C20orf204: variants seen among roughly 807,000 people sequenced by gnomAD.
The protein encoded by C20orf204 is chromosome 20 open reading frame 204.
C20orf204 carries 6 observed loss-of-function variants against 3.6 expected under a neutral mutation model. That is an observed-to-expected ratio of 1.68 (90% CI 0.92 to 3.31). The LOEUF is 3.31. Among genes scored for constraint, C20orf204 ranks in the 30% most tolerant of loss-of-function variants. C20orf204 has a pLI of 0.00. For missense variants in C20orf204, 167 were observed against 89.7 expected (o/e 1.86, Z -3.48); for synonymous variants, 80 against 41.4 (o/e 1.93, Z -3.58).
rs1384441551 is a variant in C20orf204, at chr20:64,038,424, G to GCGCCACTGCAGGACGCTGCGC, written c.410_430dup (p.Arg137_Arg143dup). The GCGCCACTGCAGGACGCTGCGC allele has an allele frequency of 5.2e-6, 4 of 770,098 alleles. No homozygotes were observed. The highest frequency in any genetic ancestry group is 9.6e-6 in the Non-Finnish European group (4 of 414,730). 47.7% of individuals were successfully genotyped at this position (770,098 alleles called of 1,614,324 possible). A position where few individuals can be genotyped will look rare whatever the true frequency, so the allele number is the denominator to read the frequency against. On this transcript the variant is annotated inframe_insertion, in exon 3 of 4. Transcript: ENST00000636176. ...CTGTGCGCACCGAGGCGGTGATGCG[G>GCGCCACTGCAGGACGCTGCGC]CGCCACTGCAGGACGCTGCGCCAGG... is the stretch of plus-strand genomic sequence containing the variant.
chr20:64,037,927 G>A lies in C20orf204; in HGVS notation c.4G>A (p.Val2Ile). The change falls in exon 2 of 4, where the codon GTA (valine) becomes ATA (isoleucine). Residue 2 changes from valine to isoleucine, a missense_variant and splice_region_variant. By Grantham distance (29) the Val-to-Ile change is conservative. Coordinates refer to ENST00000636176, the MANE Select transcript of C20orf204 (RefSeq NM_001387010.1). Reference sequence around the variant, plus strand: ...AACCCCAACCTGCTGTCTCCTCCAGGTACCCCCTAAGCCTGCACTCTGGGC... The same window carrying A: ...AACCCCAACCTGCTGTCTCCTCCAGATACCCCCTAAGCCTGCACTCTGGGC... M[V>I]PPKPALWALL... is the part of the protein sequence containing the mutation. 1 of 437,702 alleles carries A rather than the reference G, an allele frequency of 2.3e-6. No individual in the cohort carries two copies. The highest frequency in any genetic ancestry group is 4.0e-6 in the Non-Finnish European group (1 of 247,936). 27.1% of individuals were successfully genotyped at this position (437,702 alleles called of 1,614,324 possible). A position where few individuals can be genotyped will look rare whatever the true frequency, so the allele number is the denominator to read the frequency against.
upstream of C20orf204, among the ~76,000 whole-genome samples, chr20:64,034,187 G>T (rs1399194729): frequency 1.3e-5 from 2 of 152,216 alleles, no homozygotes; most frequent in Non-Finnish European, 2.9e-5. Context: ...TGAGAGGGGA[G>T]CCCTGGAGGG....
rs1274726778 is a variant in C20orf204, at chr20:64,038,355, C to T, written c.339C>T (p.Ala113=). 16 of 763,084 alleles carry T rather than the reference C, an allele frequency of 2.1e-5. No homozygotes were observed. Among genetic ancestry groups the T allele is most frequent in the Non-Finnish European group, 2.9e-5 (12 of 411,392 alleles). The allele number at this position is 763,084 out of a possible 1,614,324, so 47.3% of individuals were successfully genotyped here. Residue 113 remains alanine, a synonymous_variant, in exon 3 of 4, where the codon GCC becomes GCT. Coordinates refer to ENST00000636176, the MANE Select transcript of C20orf204 (RefSeq NM_001387010.1). ...GTCGGACCCTGCGCGGGGCGGTGGC[C>T]GGGGGCCGCCGCGGGGCCCTGGAGA... The part of the protein sequence containing the change: ...SLGRTLRGAV[A]GGRRGALERA...
Position 64,037,915 on chromosome 20 carries a change from T to C in C20orf204, c.4-12T>C, listed in dbSNP as rs965902179. 1.6e-5 allele frequency: 7 copies of C among 430,464 alleles called. No individual in the cohort carries two copies. Among genetic ancestry groups the C allele is most frequent in the Non-Finnish European group, 2.9e-5 (7 of 243,716 alleles). The allele number at this position is 430,464 out of a possible 1,614,324, so 26.7% of individuals were successfully genotyped here. On this transcript the variant is annotated splice_polypyrimidine_tract_variant and intron_variant, in intron 1 of 3. Coordinates refer to ENST00000636176, the MANE Select transcript of C20orf204 (RefSeq NM_001387010.1). ...CCCCCCAGGCCTAACCCCAACCTGC[T>C]GTCTCCTCCAGGTACCCCCTAAGCC...
rs1343039347 is a variant in C20orf204, at chr20:64,036,197, G to C, written c.-127G>C. On this transcript the variant is annotated 5_prime_UTR_variant, in exon 1 of 4. Transcript: ENST00000636176. ...CTGCCCCTCTGCAGTCCTCCAGGCA[G>C]CCTGTCCAGGGAAGCGGTTGGCTGG... 6.5e-6 allele frequency: 1 copy of C among 152,742 alleles called. No individual in the cohort carries two copies. Among genetic ancestry groups the C allele is most frequent in the East Asian group, 1.9e-4 (1 of 5,164 alleles). The allele number at this position is 152,742 out of a possible 1,614,324, so 9.5% of individuals were successfully genotyped here. A position where few individuals can be genotyped will look rare whatever the true frequency, so the allele number is the denominator to read the frequency against.
At chr20:64,037,663 GACATC>G in intron 1 of C20orf204, 1 of 372,280 alleles carries the variant, frequency 2.7e-6, no homozygotes, top group Non-Finnish European at 4.8e-6. Context: ...CCTCCCAGCC[GACATC>G]ACTCACCCCT....
chr20:64,038,364 C>T lies in C20orf204; in HGVS notation c.348C>T (p.Arg116=), dbSNP rs772961025. ...TGCGCGGGGCGGTGGCCGGGGGCCG[C>T]CGCGGGGCCCTGGAGAGAGCTGCTT... ...RTLRGAVAGG[R]RGALERAAWT... The change falls in exon 3 of 4, where the codon CGC becomes CGT. Residue 116 remains arginine, a synonymous_variant. Coordinates refer to ENST00000636176, the MANE Select transcript of C20orf204 (RefSeq NM_001387010.1). 1.3e-6 allele frequency: 1 copy of T among 766,168 alleles called. No individual in the cohort carries two copies. The highest frequency in any genetic ancestry group is 2.4e-6 in the Non-Finnish European group (1 of 412,712). 47.5% of individuals were successfully genotyped at this position (766,168 alleles called of 1,614,324 possible).
rs1228166800 is a variant in C20orf204, at chr20:64,038,977, C to T, written c.*218C>T. The T allele has an allele frequency of 1.4e-6, 1 of 711,430 alleles. No individual in the cohort carries two copies. The highest frequency in any genetic ancestry group is 2.6e-6 in the Non-Finnish European group (1 of 386,174). The allele number at this position is 711,430 out of a possible 1,614,324, so 44.1% of individuals were successfully genotyped here. Reference sequence around the variant, plus strand: ...TCCACGCGCCGAAGGCCTCAATAAACGGAGCTGGCGCTGCGGGTCCGGCAC... The same window carrying T: ...TCCACGCGCCGAAGGCCTCAATAAATGGAGCTGGCGCTGCGGGTCCGGCAC... On this transcript the variant is annotated 3_prime_UTR_variant, in exon 4 of 4. Transcript: ENST00000636176.
In C20orf204 at chr20:64,038,158, T is replaced by C. The variant is rs756782129; in HGVS notation, c.235T>C (p.Ser79Pro). The C allele has an allele frequency of 1.4e-5, 8 of 577,980 alleles. No homozygotes were observed. Among genetic ancestry groups the C allele is most frequent in the African/African-American group, 4.0e-5 (2 of 50,082 alleles). The allele number at this position is 577,980 out of a possible 1,614,324, so 35.8% of individuals were successfully genotyped here. A position where few individuals can be genotyped will look rare whatever the true frequency, so the allele number is the denominator to read the frequency against. Reference sequence around the variant, plus strand: ...GAAAAACCTGACTAGACCCGGGAGCTCGGGACGGCGGGGACGGCCTCGGGC... The same window carrying C: ...GAAAAACCTGACTAGACCCGGGAGCCCGGGACGGCGGGGACGGCCTCGGGC... ...IQKNLTRPGS[S>P]GRRGRPRASC... The change falls in exon 2 of 4, where the codon TCG becomes CCG. Residue 79 changes from serine (S) to proline (P), a missense_variant. By Grantham distance (74) the Ser-to-Pro change is moderately conservative. Coordinates refer to ENST00000636176, the MANE Select transcript of C20orf204 (RefSeq NM_001387010.1).
chr20:64,038,996 C>T lies in C20orf204; in HGVS notation c.*237C>T, dbSNP rs1471763718. ...AATAAACGGAGCTGGCGCTGCGGGT[C>T]CGGCACTCCCTTCGCCTGCCTCTCT... On this transcript the variant is annotated 3_prime_UTR_variant, in exon 4 of 4. Transcript: ENST00000636176. The T allele has an allele frequency of 2.9e-6, 2 of 695,396 alleles. No homozygotes were observed. The highest frequency in any genetic ancestry group is 3.9e-5 in the Admixed American group (2 of 50,694). The allele number at this position is 695,396 out of a possible 1,614,324, so 43.1% of individuals were successfully genotyped here.
intron 1 of C20orf204, 153 bp from the exon 2 acceptor site, chr20:64,037,774 C>G (rs2059343070): frequency 2.5e-6 from 1 of 402,278 alleles, no homozygotes; most frequent in African/African-American, 2.1e-5. Context: ...TACAGCCTTT[C>G]TTGATTGGTG....
rs1187421414 is a variant in C20orf204, at chr20:64,038,186, C to T, written c.263C>T (p.Ser88Phe). The T allele has an allele frequency of 1.6e-6, 1 of 634,126 alleles. No homozygotes were observed. The highest frequency in any genetic ancestry group is 2.9e-6 in the Non-Finnish European group (1 of 347,378). The allele number at this position is 634,126 out of a possible 1,614,324, so 39.3% of individuals were successfully genotyped here. A position where few individuals can be genotyped will look rare whatever the true frequency, so the allele number is the denominator to read the frequency against. Residue 88 changes from serine to phenylalanine, a missense_variant, in exon 2 of 4, where the codon TCC becomes TTC. Coordinates refer to ENST00000636176, the MANE Select transcript of C20orf204 (RefSeq NM_001387010.1). ...GGACGGCGGGGACGGCCTCGGGCCT[C>T]CTGTGGCGCCCAGAAGGTATGGAGG... The part of the protein sequence containing the change: ...SSGRRGRPRA[S>F]CGAQKEHSIL...
chr20:64,037,425 G>C (rs148109555), intron 1 of C20orf204: 48 of 154,008 alleles, frequency 3.1e-4, no homozygotes, highest in Non-Finnish European at 5.8e-4. Context: ...GCATGGCCAT[G>C]AGTGAGACAG....
chr20:64,038,198 A>G lies in C20orf204; in HGVS notation c.275A>G (p.Gln92Arg). Residue 92 changes from glutamine (Q) to arginine (R), a missense_variant, in exon 2 of 4, where the codon CAG (glutamine) becomes CGG (arginine). Physicochemically the swap from Gln to Arg is conservative, Grantham distance 43 (BLOSUM62 1). Transcript: ENST00000636176. ...RGRPRASCGAQKEHSILLSIS... is the reference protein window; with the variant it reads ...RGRPRASCGARKEHSILLSIS... ...CGGCCTCGGGCCTCCTGTGGCGCCCAGAAGGTATGGAGGAGGCGCCCCTAC... is the reference window on the plus strand; with the variant it reads ...CGGCCTCGGGCCTCCTGTGGCGCCCGGAAGGTATGGAGGAGGCGCCCCTAC... The G allele has an allele frequency of 1.5e-6, 1 of 668,530 alleles. No individual in the cohort carries two copies. Among genetic ancestry groups the G allele is most frequent in the South Asian group, 1.7e-5 (1 of 60,570 alleles). 41.4% of individuals were successfully genotyped at this position (668,530 alleles called of 1,614,324 possible).
chr20:64,035,556 G>T (rs1315146979), upstream of C20orf204: 1 of 152,256 alleles, frequency 6.6e-6, no homozygotes, highest in Non-Finnish European at 1.5e-5. Flanking sequence ...CTGCTAACCA[G>T]AGTGCCCCAG....
At chr20:64,035,722 C>G (rs549422072), upstream of C20orf204, 1 of 152,284 alleles carries the variant, frequency 6.6e-6, no homozygotes, top group African/African-American at 2.4e-5. Context: ...AGCGGGGGCC[C>G]GGGAAGCCCC....
chr20:64,038,556 C>T lies in C20orf204; in HGVS notation c.433-66C>T, dbSNP rs997386851. The T allele has an allele frequency of 3.8e-4, 201 of 525,514 alleles. 1 individual carries two copies. In the Admixed American group the frequency reaches 4.1e-3, roughly 11 times the overall value. 32.6% of individuals were successfully genotyped at this position (525,514 alleles called of 1,614,324 possible). A position where few individuals can be genotyped will look rare whatever the true frequency, so the allele number is the denominator to read the frequency against. ...AGGCTGAAGTCGGGCTGGGTCGCGT[C>T]TCCCTTCCCGGGCCGGGCCGGGCGC... On this transcript the variant is annotated intron_variant, in intron 3 of 3. Transcript: ENST00000636176.
At chr20:64,038,239 T>G (rs1270029698) in intron 2 of C20orf204, 37 bp downstream of exon 2, 2 of 738,184 alleles carry the variant, frequency 2.7e-6, no homozygotes, top group African/African-American at 3.5e-5. Context: ...CTCGCCGGCC[T>G]GCTCCTCTCT....
Position 64,038,746 on chromosome 20 carries a change from C to T in C20orf204, c.557C>T (p.Ser186Phe), listed in dbSNP as rs913457360. 22 of 693,178 alleles carry T rather than the reference C, an allele frequency of 3.2e-5. No homozygotes were observed. The highest frequency in any genetic ancestry group is 5.3e-5 in the Non-Finnish European group (20 of 376,128). The allele number at this position is 693,178 out of a possible 1,614,324, so 42.9% of individuals were successfully genotyped here. Residue 186 changes from serine to phenylalanine, a missense_variant, in exon 4 of 4, where the codon TCC becomes TTC. Coordinates refer to ENST00000636176, the MANE Select transcript of C20orf204 (RefSeq NM_001387010.1). ...EKLFALRAPA[S>F]RDS ...CTCTTCGCGCTGCGCGCCCCGGCCTCCAGGGACTCCTAGCGCGGCCCGTCC... is the reference window on the plus strand; with the variant it reads ...CTCTTCGCGCTGCGCGCCCCGGCCTTCAGGGACTCCTAGCGCGGCCCGTCC...
Sources: gnomAD v4.1 joint callset for allele counts (sites outside exome capture counted in the v4.1 genomes callset) on GRCh38, gnomAD v4.1.1 for gene constraint, MANE v1.5 for transcripts, NCBI Gene and HGNC (gene_info 2026-07-23, HGNC 2026-07-21) for gene names.